The following MCC variants were observed in gnomAD, a reference collection of about 807,000 sequenced individuals.
MCC encodes the protein colorectal mutant cancer protein.
Under a neutral mutation model 116.2 loss-of-function variants are expected in MCC, and 90 were observed. The observed-to-expected ratio is 0.77, with a 90% CI of 0.65 to 0.92. MCC has a LOEUF of 0.92. MCC is among the 40% of genes least tolerant of loss of function. The probability of loss-of-function intolerance (pLI) is 0.00; values close to 1 mark genes in which losing one functional copy is unlikely to be tolerated. For synonymous variants in MCC, 578 were observed against 510.5 expected, an observed-to-expected ratio of 1.13 and a Z score of -1.78; for missense variants, 1,516 against 1,312.2, an observed-to-expected ratio of 1.16 and a Z score of -2.40.
In MCC at chr5:113,049,143, T is replaced by A; in HGVS notation, c.2605A>T (p.Met869Leu). ...CTGCTGGTGGAGCTGAGGGATCGCA[T>A]CCGCTGCTCCTTCTGCTCCTCCACC... ...SEVEEQKEQR[M>L]RSLSSTSSGS... The change falls in exon 16 of 19, where the codon ATG becomes TTG. Residue 869 changes from methionine to leucine, a missense_variant. Physicochemically the swap from Met to Leu is conservative, Grantham distance 15 (BLOSUM62 2). Coordinates refer to ENST00000408903, the MANE Select transcript of MCC (RefSeq NM_001085377.2). The A allele has an allele frequency of 6.2e-7, 1 of 1,614,228 alleles. No individual in the cohort carries two copies. The highest frequency in any genetic ancestry group is 2.2e-5 in the East Asian group (1 of 44,886).
chr5:113,239,934 G>A (rs1764299672), intron 3 of MCC, among the ~76,000 whole-genome samples: 2 of 152,134 alleles, frequency 1.3e-5, no homozygotes, highest in Admixed American at 1.3e-4. Context: ...TCCACACAGA[G>A]CTCAGGTTGA....
intron 14 of MCC, among the ~76,000 whole-genome samples, chr5:113,057,158 G>A (rs538589897): frequency 6.6e-6 from 1 of 152,286 alleles, no homozygotes; most frequent in South Asian, 2.1e-4. Context: ...GAGAAAGAAG[G>A]AGAAGTGGTC....
chr5:113,286,618 T>TC (rs1419470414), intron 3 of MCC, among the ~76,000 whole-genome samples: 1 of 152,196 alleles, frequency 6.6e-6, no homozygotes, highest in African/African-American at 2.4e-5. Flanking sequence ...CAGGCAGCCT[T>TC]CACCACACAA....
rs1301704465 is a variant in MCC, at chr5:113,043,632, T to C, written c.2656-2A>G. 1 of 1,607,774 alleles carries C rather than the reference T, an allele frequency of 6.2e-7. No individual in the cohort carries two copies. Among genetic ancestry groups the C allele is most frequent in the Non-Finnish European group, 8.5e-7 (1 of 1,174,376 alleles). ...TGGGGAGGCAGCATCAGCACACTCCTGACAACAGCAAACACATTCCAGTTA... is the reference window on the plus strand; with the variant it reads ...TGGGGAGGCAGCATCAGCACACTCCCGACAACAGCAAACACATTCCAGTTA... On this transcript the variant is annotated splice_acceptor_variant, in intron 16 of 18. Coordinates refer to ENST00000408903, the MANE Select transcript of MCC (RefSeq NM_001085377.2). LOFTEE classifies it high-confidence loss of function.
intron 3 of MCC, among the ~76,000 whole-genome samples, chr5:113,249,139 G>GCT (rs57174154): frequency 0.053 from 7,942 of 149,180 alleles, 382 homozygotes; most frequent in African/African-American, 0.13. Context: ...ACCGCACCCA[G>GCT]CTCTCTCTCT....
intron 3 of MCC, among the ~76,000 whole-genome samples, chr5:113,264,082 A>G (rs893480611): frequency 2.5e-4 from 38 of 152,206 alleles, no homozygotes; most frequent in African/African-American, 9.2e-4. Context: ...AACAAAAATT[A>G]AGTGATTCCG....
Position 113,064,128 on chromosome 5 carries a change from T to G in MCC, c.2069A>C (p.Lys690Thr). The G allele has an allele frequency of 1.2e-6, 2 of 1,613,878 alleles. No individual in the cohort carries two copies. Among genetic ancestry groups the G allele is most frequent in the Non-Finnish European group, 1.7e-6 (2 of 1,179,882 alleles). ...SGDENITQML[K>T]RAHDCRKTAE... ...TGTCTTCCGGCAGTCATGAGCTCGCTTGAGCATCTGAGTGATGTTTTCATC... is the reference window on the plus strand; with the variant it reads ...TGTCTTCCGGCAGTCATGAGCTCGCGTGAGCATCTGAGTGATGTTTTCATC... The change falls in exon 14 of 19, where the codon AAG (lysine) becomes ACG (threonine). Residue 690 changes from lysine to threonine, a missense_variant. Coordinates refer to ENST00000408903, the MANE Select transcript of MCC (RefSeq NM_001085377.2).
At chr5:113,449,301 A>C (rs1427501311) in intron 1 of MCC, among the ~76,000 whole-genome samples, 1 of 152,250 alleles carries the variant, frequency 6.6e-6, no homozygotes, top group African/African-American at 2.4e-5. Flanking sequence ...TCGGAAAGAT[A>C]AGGTTGAAGA....
At chr5:113,357,000 G>C (rs965667758) in intron 2 of MCC, among the ~76,000 whole-genome samples, 4 of 152,172 alleles carry the variant, frequency 2.6e-5, no homozygotes, top group South Asian at 2.1e-4. Context: ...TTGCTCATTT[G>C]CATAGAATAG....
At chr5:113,304,766 TA>T (rs890981883) in intron 3 of MCC, among the ~76,000 whole-genome samples, 10 of 148,894 alleles carry the variant, frequency 6.7e-5, no homozygotes, top group East Asian at 3.9e-4. Context: ...CCAAGGAAGT[TA>T]AAAAAAAAAG....
chr5:113,466,429 T>C (rs1018729565), intron 1 of MCC, among the ~76,000 whole-genome samples: 5 of 149,668 alleles, frequency 3.3e-5, no homozygotes, highest in African/African-American at 4.9e-5. Context: ...TGAGAACATG[T>C]GGTGTTTGGT....
chr5:113,038,158 G>A (rs1751444756), intron 17 of MCC, among the ~76,000 whole-genome samples: 1 of 151,420 alleles, frequency 6.6e-6, no homozygotes, highest in Admixed American at 6.6e-5. Context: ...ATCATTAGGA[G>A]AAGGGGATTT....
At chr5:113,468,293 A>G (rs540871005) in intron 1 of MCC, among the ~76,000 whole-genome samples, 1 of 152,288 alleles carries the variant, frequency 6.6e-6, no homozygotes, top group Admixed American at 6.5e-5. Flanking sequence ...GTTTTTGCCC[A>G]TTCAGTATAA....
chr5:113,156,859 G>A (rs1033803009), intron 3 of MCC, among the ~76,000 whole-genome samples: 5 of 152,084 alleles, frequency 3.3e-5, no homozygotes, highest in Admixed American at 1.3e-4. Context: ...GGTTATTTTT[G>A]GATAAAACAT....
At chr5:113,044,683 TC>T (rs1464751699) in intron 16 of MCC, among the ~76,000 whole-genome samples, 1 of 152,214 alleles carries the variant, frequency 6.6e-6, no homozygotes. Flanking sequence ...CAAGCGATTC[TC>T]CCACCTCAGC....
Position 113,043,537 on chromosome 5 carries a change from T to G in MCC, c.2749A>C (p.Ile917Leu), listed in dbSNP as rs1015769326. ...NELAAEFTNA[I>L]RREKKLKARV... ...TGGGGAAAGGGTGCTTACCGACGAATGGCGTTGGTGAACTCCGCAGCCAGC... is the reference window on the plus strand; with the variant it reads ...TGGGGAAAGGGTGCTTACCGACGAAGGGCGTTGGTGAACTCCGCAGCCAGC... Residue 917 changes from isoleucine to leucine, a missense_variant, in exon 17 of 19, where the codon ATT becomes CTT. Physicochemically the swap from Ile to Leu is conservative, Grantham distance 5. Transcript: ENST00000408903. 2.5e-6 allele frequency: 4 copies of G among 1,613,898 alleles called. No individual in the cohort carries two copies. The Admixed American group carries it at 5.0e-5, about 20-fold the overall frequency.
chr5:113,064,140 G>C lies in MCC; in HGVS notation c.2057C>G (p.Thr686Ser), dbSNP rs756543284. ...PGDQSGDENI[T>S]QMLKRAHDCR... ...GTCATGAGCTCGCTTGAGCATCTGA[G>C]TGATGTTTTCATCCCCCGACTGGTC... Residue 686 changes from threonine (T) to serine (S), a missense_variant, in exon 14 of 19, where the codon ACT becomes AGT. Coordinates refer to ENST00000408903, the MANE Select transcript of MCC (RefSeq NM_001085377.2). The C allele has an allele frequency of 1.9e-6, 3 of 1,613,288 alleles. No individual in the cohort carries two copies. The highest frequency in any genetic ancestry group is 4.5e-5 in the East Asian group (2 of 44,888).
chr5:113,307,560 C>T (rs1188442677), intron 3 of MCC, among the ~76,000 whole-genome samples: 1 of 152,124 alleles, frequency 6.6e-6, no homozygotes, highest in African/African-American at 2.4e-5. Flanking sequence ...TTGGAATTTT[C>T]TATATACAAG....
In MCC at chr5:113,340,630, G is replaced by A. The variant is rs193012928; in HGVS notation, c.516C>T (p.Leu172=). ...GATGCAAAGAGCTTCCGCCATACTC[G>A]AGCAGCTTCTGGAGGGCTGACTGGC... ...VQSQSALQKL[L]EYGGSSLHQQ... is the part of the protein sequence containing the mutation. The change falls in exon 3 of 19, where the codon CTC becomes CTT. Residue 172 remains leucine, a synonymous_variant. Coordinates refer to ENST00000408903, the MANE Select transcript of MCC (RefSeq NM_001085377.2). The A allele has an allele frequency of 7.5e-4, 1,209 of 1,614,114 alleles. 8 individuals carry two copies. The African/African-American group carries it at 0.013, about 17-fold the overall frequency.
Sources: allele counts gnomAD v4.1 joint callset (sites outside exome capture counted in the v4.1 genomes callset), GRCh38; gene constraint gnomAD v4.1.1; transcripts MANE v1.5; gene names NCBI Gene and HGNC (gene_info 2026-07-23, HGNC 2026-07-21).